RPN1: variants seen among roughly 807,000 people sequenced by gnomAD.
The protein encoded by RPN1 is dolichyl-diphosphooligosaccharide--protein glycosyltransferase subunit 1.
In RPN1, 12 loss-of-function variants were observed where a neutral mutation model predicts 55.5. That is an observed-to-expected ratio of 0.22 (90% confidence interval 0.14 to 0.35). The LOEUF is 0.35. Among genes scored for constraint, RPN1 ranks in the 10% least tolerant of loss-of-function variants. RPN1 has a pLI of 1.00. For missense variants in RPN1, 679 were observed against 761.3 expected (o/e 0.89, Z 1.27); for synonymous variants, 317 against 305.9 (o/e 1.04, Z -0.38).
intron 1 of RPN1, among the ~76,000 whole-genome samples, chr3:128,649,954 T>C (rs560652105): frequency 6.6e-6 from 1 of 152,370 alleles, no homozygotes; most frequent in Admixed American, 6.5e-5. Context: ...ATTACCAACT[T>C]AAAAATGCGA....
At chr3:128,636,900 A>G (rs933541096) in intron 3 of RPN1, among the ~76,000 whole-genome samples, 1 of 152,180 alleles carries the variant, frequency 6.6e-6, no homozygotes, top group Non-Finnish European at 1.5e-5. Flanking sequence ...GATGGTATAG[A>G]AGTAGGTAAA....
intron 6 of RPN1, 72 bp downstream of exon 6, chr3:128,626,661 G>A: frequency 7.6e-7 from 1 of 1,318,772 alleles, no homozygotes; most frequent in Non-Finnish European, 1.1e-6. Context: ...CTAGAACATA[G>A]GCTCTCCTTA....
intron 2 of RPN1, among the ~76,000 whole-genome samples, chr3:128,641,761 A>T (rs2107720533): frequency 6.6e-6 from 1 of 151,950 alleles, no homozygotes; most frequent in East Asian, 1.9e-4. Flanking sequence ...GGCATGCACC[A>T]CCACTCCTGG....
chr3:128,650,196 C>A (rs1432198851), intron 1 of RPN1, among the ~76,000 whole-genome samples: 1 of 152,222 alleles, frequency 6.6e-6, no homozygotes, highest in African/African-American at 2.4e-5. Flanking sequence ...GTCTCCCGAG[C>A]GGTGCCGAGA....
At chr3:128,647,668 G>T (rs926947088) in intron 1 of RPN1, among the ~76,000 whole-genome samples, 7 of 150,500 alleles carry the variant, frequency 4.7e-5, no homozygotes, top group African/African-American at 1.7e-4. Context: ...TCTACCCTGG[G>T]GAACAGATTG....
At position 128,632,033 on chromosome 3, in the gene RPN1, G is replaced by T. The variant is rs756704573; in HGVS notation, c.758C>A (p.Thr253Lys). The change falls in exon 4 of 10, where the codon ACA (threonine) becomes AAA (lysine). Residue 253 changes from threonine (T) to lysine (K), a missense_variant. Physicochemically the swap from Thr to Lys is moderately conservative, Grantham distance 78. Transcript: ENST00000296255. Reference sequence around the variant, plus strand: ...GAAAGGCCCCTTAAGCACAGCTCCTGTGTGCTTTAAGTCCACATTTTCTTC... The same window carrying T: ...GAAAGGCCCCTTAAGCACAGCTCCTTTGTGCTTTAAGTCCACATTTTCTTC... ...AVEENVDLKH[T>K]GAVLKGPFSR... The T allele has an allele frequency of 6.2e-7, 1 of 1,614,160 alleles. No individual in the cohort carries two copies. The highest frequency in any genetic ancestry group is 8.5e-7 in the Non-Finnish European group (1 of 1,180,028).
At chr3:128,632,203 T>C (rs1576794847) in intron 3 of RPN1, 46 bp from the exon 4 acceptor site, 2 of 1,575,102 alleles carry the variant, frequency 1.3e-6, no homozygotes, top group East Asian at 2.2e-5. Context: ...CAACAGAGAA[T>C]GCACCATTAG....
chr3:128,636,738 G>A (rs1433395591), intron 3 of RPN1, among the ~76,000 whole-genome samples: 2 of 152,100 alleles, frequency 1.3e-5, no homozygotes, highest in Non-Finnish European at 1.5e-5. Flanking sequence ...TTGTAAAAAT[G>A]AGGTCTCACT....
At chr3:128,629,088 G>T (rs1345887683) in intron 5 of RPN1, among the ~76,000 whole-genome samples, 1 of 152,058 alleles carries the variant, frequency 6.6e-6, no homozygotes, top group Non-Finnish European at 1.5e-5. Flanking sequence ...ATTACTCAAA[G>T]TCGGGGCAAT....
chr3:128,643,794 A>T (rs2069746589), intron 2 of RPN1, among the ~76,000 whole-genome samples: 1 of 137,616 alleles, frequency 7.3e-6, no homozygotes. Context: ...AAACTCTCTC[A>T]AAAAAAAAAA....
intron 1 of RPN1, among the ~76,000 whole-genome samples, chr3:128,645,395 G>A (rs957409462): frequency 6.6e-6 from 1 of 151,948 alleles, no homozygotes; most frequent in Non-Finnish European, 1.5e-5. Flanking sequence ...GCTTGAACCC[G>A]GGAGGCAGAG....
intron 5 of RPN1, 78 bp from the exon 6 acceptor site, chr3:128,626,910 A>G (rs1576792682): frequency 7.6e-7 from 1 of 1,323,266 alleles, no homozygotes; most frequent in Non-Finnish European, 1.1e-6. Flanking sequence ...ACAGGGGCTC[A>G]CATAAAGACA....
intron 2 of RPN1, among the ~76,000 whole-genome samples, chr3:128,643,773 CAA>C (rs2069746410): frequency 6.6e-6 from 1 of 150,620 alleles, no homozygotes. Flanking sequence ...CCAGCCCAGG[CAA>C]AGAGAGCGAA....
rs112246211 is a variant in RPN1 at position 128,635,612 on chromosome 3, GATATATAT to G, written c.633+2179_633+2186del. ...CAGTGCGCCTGCCCCTATAACTTGA[GATATATAT>G]ATATATATATATATATATAGATATA... On this transcript the variant is annotated intron_variant, in intron 3 of 9. Transcript: ENST00000296255. Among the ~76,000 whole-genome samples the G allele has an allele frequency of 2.2e-3, 279 of 125,714 alleles. 2 individuals are homozygous for G. The highest frequency in any genetic ancestry group is 4.1e-3 in the African/African-American group (133 of 32,080). The allele number at this position is 125,714 out of a possible 152,430, so 82.5% of individuals were successfully genotyped here. A position where few individuals can be genotyped will look rare whatever the true frequency, so the allele number is the denominator to read the frequency against.
chr3:128,622,768 G>A (rs186692363), intron 8 of RPN1, among the ~76,000 whole-genome samples: 5 of 151,818 alleles, frequency 3.3e-5, no homozygotes, highest in Admixed American at 3.3e-4. Context: ...ATGGTGGCAG[G>A]CACCTGTAAT....
At chr3:128,634,091 C>G (rs1457058774) in intron 3 of RPN1, among the ~76,000 whole-genome samples, 1 of 151,722 alleles carries the variant, frequency 6.6e-6, no homozygotes, top group Admixed American at 6.6e-5. Context: ...TTTGGGAGGC[C>G]AAAGTGGGTA....
chr3:128,628,485 C>G (rs2069617668), intron 5 of RPN1, among the ~76,000 whole-genome samples: 1 of 36,216 alleles, frequency 2.8e-5, no homozygotes, highest in African/African-American at 1.1e-4. Flanking sequence ...TGCTCTGTCA[C>G]CCAGGCTAAA....
At chr3:128,636,039 T>C (rs1424710141) in intron 3 of RPN1, among the ~76,000 whole-genome samples, 1 of 152,154 alleles carries the variant, frequency 6.6e-6, no homozygotes, top group Non-Finnish European at 1.5e-5. Context: ...CATAACTTGT[T>C]ATATGTAATT....
chr3:128,647,144 T>C (rs749581033), intron 1 of RPN1, among the ~76,000 whole-genome samples: 43 of 152,040 alleles, frequency 2.8e-4, no homozygotes, highest in Non-Finnish European at 5.6e-4. Context: ...CATAAGACTG[T>C]GGAGCAGACT....
Sources: gnomAD v4.1 joint callset for allele counts (sites outside exome capture counted in the v4.1 genomes callset) on GRCh38, gnomAD v4.1.1 for gene constraint, MANE v1.5 for transcripts, NCBI Gene and HGNC (gene_info 2026-07-23, HGNC 2026-07-21) for gene names.